The following NSMCE2 variants were observed in gnomAD, a reference collection of about 807,000 sequenced individuals.
NSMCE2 encodes the protein E3 SUMO-protein ligase NSE2.
NSMCE2 carries 24 observed loss-of-function variants against 23.8 expected under a neutral mutation model. The ratio of observed to expected loss-of-function variants is 1.01; its 90% confidence interval spans 0.73 to 1.42. The LOEUF (loss-of-function observed/expected upper bound fraction) is 1.42. Ranked by LOEUF, NSMCE2 falls within the 40% of genes most tolerant of loss-of-function variation. The probability of loss-of-function intolerance (pLI) is 0.00; values close to 1 mark genes in which losing one functional copy is unlikely to be tolerated. For missense variants in NSMCE2, 284 were observed against 296.5 expected (o/e 0.96, Z 0.31); for synonymous variants, 92 against 94.1 (o/e 0.98, Z 0.13).
intron 5 of NSMCE2, among the ~76,000 whole-genome samples, chr8:125,354,708 T>A (rs1209232646): frequency 1.3e-5 from 2 of 152,168 alleles, no homozygotes; most frequent in Admixed American, 6.5e-5. Context: ...AATATACCAG[T>A]CTACTCCAAG....
At chr8:125,296,314 A>G (rs1458801327) in intron 5 of NSMCE2, among the ~76,000 whole-genome samples, 2 of 152,034 alleles carry the variant, frequency 1.3e-5, no homozygotes, top group Non-Finnish European at 2.9e-5. Flanking sequence ...ATATGCATGA[A>G]TGAATGAGAG....
chr8:125,192,634 A>G (rs1019352979), intron 5 of NSMCE2, among the ~76,000 whole-genome samples: 17 of 152,238 alleles, frequency 1.1e-4, no homozygotes, highest in Non-Finnish European at 2.4e-4. Flanking sequence ...TACACATTCA[A>G]ATAATACTAA....
intron 5 of NSMCE2, among the ~76,000 whole-genome samples, chr8:125,249,828 T>C (rs1188307979): frequency 5.9e-5 from 9 of 152,194 alleles, no homozygotes; most frequent in Admixed American, 2.6e-4. Flanking sequence ...ATTATTATTA[T>C]TATTTCAAAC....
rs147721894 is a variant in NSMCE2, at chr8:125,341,463, G to A, written c.419-15756G>A. 4.5e-4 allele frequency among the ~76,000 whole-genome samples: 68 copies of A among 152,272 alleles called. 1 individual carries two copies. The highest frequency in any genetic ancestry group is 3.4e-3 in the Middle Eastern group (1 of 294). ...CACTGTAGTGCTAGGAGTCAGGCCC[G>A]TAGGCTTTGAAAATGCGAAGCAAGA... On this transcript the variant is annotated intron_variant, in intron 5 of 7. Transcript: ENST00000287437.
In NSMCE2 at chr8:125,357,649, C is replaced by G. The variant is rs142204052; in HGVS notation, c.520-63C>G. The G allele has an allele frequency of 7.5e-5, 93 of 1,247,430 alleles. No homozygotes were observed. The African/African-American group carries it at 1.1e-3, about 15-fold the overall frequency. The allele number at this position is 1,247,430 out of a possible 1,614,324, so 77.3% of individuals were successfully genotyped here. ...AAACATAGAAAGCTCAGGACTAGGA[C>G]GAAACAGCTACTGGAAGTTGATCAT... On this transcript the variant is annotated intron_variant, in intron 6 of 7. Coordinates refer to ENST00000287437, the MANE Select transcript of NSMCE2 (RefSeq NM_173685.4).
chr8:125,169,232 T>G (rs1323102555), intron 4 of NSMCE2, among the ~76,000 whole-genome samples: 1 of 152,204 alleles, frequency 6.6e-6, no homozygotes, highest in African/African-American at 2.4e-5. Context: ...TCCTACCCGT[T>G]CTTCGATTTT....
At chr8:125,248,182 G>T (rs1826066830) in intron 5 of NSMCE2, among the ~76,000 whole-genome samples, 1 of 152,164 alleles carries the variant, frequency 6.6e-6, no homozygotes, top group South Asian at 2.1e-4. Context: ...ACAGTCCGGG[G>T]TGTTTATATT....
chr8:125,315,205 T>C (rs1242606813), intron 5 of NSMCE2, among the ~76,000 whole-genome samples: 1 of 151,986 alleles, frequency 6.6e-6, no homozygotes, highest in Non-Finnish European at 1.5e-5. Context: ...GAGAAGTAGA[T>C]AGGTAAGGAA....
At chr8:125,092,495 A>T (rs990160714) in intron 1 of NSMCE2, among the ~76,000 whole-genome samples, 3 of 152,248 alleles carry the variant, frequency 2.0e-5, no homozygotes, top group Non-Finnish European at 4.4e-5. Flanking sequence ...AGCTGCAGAC[A>T]TGTGAGCAAA....
At chr8:125,298,366 C>T (rs1828411620) in intron 5 of NSMCE2, among the ~76,000 whole-genome samples, 1 of 152,190 alleles carries the variant, frequency 6.6e-6, no homozygotes, top group Admixed American at 6.5e-5. Flanking sequence ...GCATGTACTA[C>T]AAAAATCCCC....
chr8:125,197,188 G>C (rs2130847306), intron 5 of NSMCE2, among the ~76,000 whole-genome samples: 1 of 152,270 alleles, frequency 6.6e-6, no homozygotes, highest in South Asian at 2.1e-4. Flanking sequence ...CCATGCAGAA[G>C]CTCTTTAGTT....
At chr8:125,205,483 G>C (rs913386618) in intron 5 of NSMCE2, among the ~76,000 whole-genome samples, 12 of 152,154 alleles carry the variant, frequency 7.9e-5, no homozygotes, top group Admixed American at 6.5e-5. Flanking sequence ...TGTATCTGCT[G>C]CTTTTGGTGA....
intron 5 of NSMCE2, among the ~76,000 whole-genome samples, chr8:125,249,030 G>A (rs1386130719): frequency 6.6e-6 from 1 of 152,172 alleles, no homozygotes; most frequent in African/African-American, 2.4e-5. Flanking sequence ...AATTAGCCGA[G>A]TATGGTGGCA....
intron 3 of NSMCE2, among the ~76,000 whole-genome samples, chr8:125,115,854 G>T (rs564133068): frequency 2.4e-4 from 36 of 152,350 alleles, no homozygotes; most frequent in African/African-American, 8.4e-4. Context: ...AGAAAAGGGA[G>T]CTGTCATAGC....
intron 7 of NSMCE2, among the ~76,000 whole-genome samples, chr8:125,361,810 T>C (rs1485626700): frequency 2.0e-5 from 3 of 152,184 alleles, no homozygotes; most frequent in Non-Finnish European, 2.9e-5. Context: ...GGTTGTAAGA[T>C]AGAATTACTG....
At chr8:125,272,032 G>A (rs1009274043) in intron 5 of NSMCE2, among the ~76,000 whole-genome samples, 1 of 31,288 alleles carries the variant, frequency 3.2e-5, no homozygotes. Context: ...TTTTTTTTTT[G>A]AGACGGAGTC....
chr8:125,366,574 G>A (rs866326243), intron 7 of NSMCE2, among the ~76,000 whole-genome samples, 194 bp from the exon 8 acceptor site: 1 of 152,204 alleles, frequency 6.6e-6, no homozygotes, highest in African/African-American at 2.4e-5. Flanking sequence ...CTCACATATC[G>A]CTTGTGTCCC....
At chr8:125,316,596 C>A (rs572777051) in intron 5 of NSMCE2, among the ~76,000 whole-genome samples, 2 of 150,768 alleles carry the variant, frequency 1.3e-5, no homozygotes, top group South Asian at 2.1e-4. Context: ...TCTTTTCTTT[C>A]TTTCCTTCTT....
chr8:125,205,203 A>G (rs77407761), intron 5 of NSMCE2, among the ~76,000 whole-genome samples: 10,084 of 152,250 alleles, frequency 0.066, 435 homozygotes, highest in South Asian at 0.15. Flanking sequence ...GACTTCAGGG[A>G]GTCTTCCCTA....
Sources: allele counts gnomAD v4.1 joint callset (sites outside exome capture counted in the v4.1 genomes callset), GRCh38; gene constraint gnomAD v4.1.1; transcripts MANE v1.5; gene names NCBI Gene and HGNC (gene_info 2026-07-23, HGNC 2026-07-21).